PARVA: variants seen among roughly 807,000 people sequenced by gnomAD.
PARVA encodes the protein parvin alpha, also known as alpha-parvin.
A neutral mutation model predicts 52.6 loss-of-function variants in PARVA; 25 were observed. The observed-to-expected ratio is 0.48, with a 90% CI of 0.35 to 0.66. The LOEUF is 0.66. Ranked by LOEUF, PARVA falls within the 30% of genes least tolerant of loss-of-function variation. The pLI is 0.01. For synonymous variants in PARVA, 185 were observed against 179.1 expected (o/e 1.03, Z -0.26); for missense variants, 373 against 450.9 (o/e 0.83, Z 1.56).
intron 6 of PARVA, among the ~76,000 whole-genome samples, chr11:12,505,986 A>C (rs931089903): frequency 4.6e-5 from 7 of 152,194 alleles, no homozygotes; most frequent in Non-Finnish European, 8.8e-5. Context: ...TCAGTTATAG[A>C]CTTTGGGTGA....
intron 4 of PARVA, among the ~76,000 whole-genome samples, chr11:12,486,121 G>A (rs919411510): frequency 1.3e-5 from 2 of 152,208 alleles, no homozygotes; most frequent in African/African-American, 2.4e-5. Context: ...ACATATGTAC[G>A]ATAGTAATGT....
intron 10 of PARVA, among the ~76,000 whole-genome samples, 181 bp downstream of exon 10, chr11:12,514,246 A>C (rs575324663): frequency 6.6e-6 from 1 of 152,280 alleles, no homozygotes; most frequent in East Asian, 1.9e-4. Flanking sequence ...TTTTATTATG[A>C]AAATTACAAG....
chr11:12,385,181 T>C (rs1029343200), intron 1 of PARVA, among the ~76,000 whole-genome samples: 37 of 152,128 alleles, frequency 2.4e-4, no homozygotes, highest in African/African-American at 8.7e-4. Flanking sequence ...ACAAAAAAAT[T>C]AGCCATGGGT....
intron 1 of PARVA, among the ~76,000 whole-genome samples, chr11:12,461,053 G>A (rs985631354): frequency 6.6e-6 from 1 of 152,116 alleles, no homozygotes; most frequent in Admixed American, 6.5e-5. Context: ...ACATCCTCCA[G>A]GTACTTAATA....
intron 5 of PARVA, among the ~76,000 whole-genome samples, chr11:12,501,116 AAAAC>A (rs1941358158): frequency 6.6e-6 from 1 of 152,080 alleles, no homozygotes; most frequent in South Asian, 2.1e-4. Flanking sequence ...CAAAAAAAAA[AAAAC>A]AATCTTTCCA....
chr11:12,377,523 C>T (rs1325897159), upstream of PARVA: 4 of 1,439,982 alleles, frequency 2.8e-6, no homozygotes, highest in Admixed American at 2.5e-5. Context: ...CGTGAGCTGC[C>T]TCAAATGCTT....
rs531231908 is a variant in PARVA at position 12,535,201 on chromosome 11, C to T, written c.*7276C>T. On this transcript the variant is annotated 3_prime_UTR_variant, in exon 13 of 13. Transcript: ENST00000334956. Reference sequence around the variant, plus strand: ...ATTGTGTGTTGTCTAGACCCATGGCCAAGACTGTCATTGCCTGTGAGGGAG... The same window carrying T: ...ATTGTGTGTTGTCTAGACCCATGGCTAAGACTGTCATTGCCTGTGAGGGAG... Among the ~76,000 whole-genome samples the T allele has an allele frequency of 2.6e-5, 4 of 152,206 alleles. No individual in the cohort carries two copies. The highest frequency in any genetic ancestry group is 5.9e-5 in the Non-Finnish European group (4 of 68,052).
intron 11 of PARVA, 109 bp downstream of exon 11, chr11:12,517,820 T>C: frequency 1.4e-6 from 1 of 732,112 alleles, no homozygotes; most frequent in South Asian, 1.6e-5. Context: ...TCCCCTCTGC[T>C]CAACGTCTTC....
At chr11:12,467,905 A>C (rs1228279284) in intron 1 of PARVA, among the ~76,000 whole-genome samples, 1 of 152,190 alleles carries the variant, frequency 6.6e-6, no homozygotes, top group Non-Finnish European at 1.5e-5. Context: ...CTTATCTGCT[A>C]TTCCATTCCT....
At chr11:12,392,510 C>G (rs1939674496) in intron 1 of PARVA, among the ~76,000 whole-genome samples, 1 of 152,098 alleles carries the variant, frequency 6.6e-6, no homozygotes, top group Admixed American at 6.5e-5. Context: ...CTCAAGTGAT[C>G]TGCCCACCTC....
chr11:12,507,491 G>A (rs1347333073), intron 6 of PARVA, among the ~76,000 whole-genome samples: 1 of 152,134 alleles, frequency 6.6e-6, no homozygotes, highest in African/African-American at 2.4e-5. Flanking sequence ...GCTGCCCCCT[G>A]ACTGATGGCA....
At position 12,377,599 on chromosome 11, in the gene PARVA, C is replaced by T. The variant is rs764266265; in HGVS notation, c.-49C>T. 2 of 1,522,764 alleles carry T rather than the reference C, an allele frequency of 1.3e-6. No individual in the cohort carries two copies. Among genetic ancestry groups the T allele is most frequent in the South Asian group, 2.5e-5 (2 of 80,562 alleles). 94.3% of individuals were successfully genotyped at this position (1,522,764 alleles called of 1,614,324 possible). A position where few individuals can be genotyped will look rare whatever the true frequency, so the allele number is the denominator to read the frequency against. ...CCCGCCGCCGCCCGCTGCGTCCGCC[C>T]AGCGCCAGCTCCGCGTCCCGACCGG... On this transcript the variant is annotated 5_prime_UTR_variant, in exon 1 of 13. Transcript: ENST00000334956.
At chr11:12,474,630 C>T (rs1184108688) in intron 3 of PARVA, among the ~76,000 whole-genome samples, 2 of 152,048 alleles carry the variant, frequency 1.3e-5, no homozygotes, top group African/African-American at 4.8e-5. Flanking sequence ...CTCAGGAGTT[C>T]GAGACCAGCC....
At chr11:12,518,867 G>A (rs561487685) in intron 12 of PARVA, among the ~76,000 whole-genome samples, 87 of 152,340 alleles carry the variant, frequency 5.7e-4, no homozygotes, top group African/African-American at 2.1e-3. Context: ...TCGGGGTGAA[G>A]GTGCAGCGCA....
chr11:12,399,562 G>A (rs2134963260), intron 1 of PARVA, among the ~76,000 whole-genome samples: 1 of 152,346 alleles, frequency 6.6e-6, no homozygotes, highest in African/African-American at 2.4e-5. Context: ...TGGACAGGGA[G>A]CAAACAGTTC....
chr11:12,448,166 T>C (rs1297919969), intron 1 of PARVA, among the ~76,000 whole-genome samples: 1 of 152,156 alleles, frequency 6.6e-6, no homozygotes, highest in East Asian at 1.9e-4. Context: ...CTCAGAGATT[T>C]TGGTCGTGTT....
chr11:12,417,381 C>T (rs908139602), intron 1 of PARVA, among the ~76,000 whole-genome samples: 3 of 151,966 alleles, frequency 2.0e-5, no homozygotes, highest in Non-Finnish European at 4.4e-5. Flanking sequence ...AATTTTTATG[C>T]TATATTAACT....
chr11:12,449,392 A>C (rs1460749105), intron 1 of PARVA, among the ~76,000 whole-genome samples: 2 of 152,042 alleles, frequency 1.3e-5, no homozygotes, highest in Non-Finnish European at 1.5e-5. Context: ...CCTGGCCTCA[A>C]GTGATCCGCC....
chr11:12,467,336 T>C (rs1940866029), intron 1 of PARVA, among the ~76,000 whole-genome samples: 1 of 152,190 alleles, frequency 6.6e-6, no homozygotes, highest in South Asian at 2.1e-4. Flanking sequence ...ACAAAGACAA[T>C]TTCTTCCTTC....
Sources: allele counts gnomAD v4.1 joint callset (sites outside exome capture counted in the v4.1 genomes callset), GRCh38; gene constraint gnomAD v4.1.1; transcripts MANE v1.5; gene names NCBI Gene and HGNC (gene_info 2026-07-23, HGNC 2026-07-21).